PCNX4: variants seen among roughly 807,000 people sequenced by gnomAD.
The protein encoded by PCNX4 is pecanex-like protein 4.
A neutral mutation model predicts 107.2 loss-of-function variants in PCNX4; 103 were observed. The ratio of observed to expected loss-of-function variants is 0.96; its 90% CI spans 0.82 to 1.13. The LOEUF is 1.13. Among genes scored for constraint, PCNX4 ranks in the 50% most tolerant of loss-of-function variants. The probability of loss-of-function intolerance (pLI) is 0.00; values close to 1 mark genes in which losing one functional copy is unlikely to be tolerated. For missense variants in PCNX4, 1,528 were observed against 1,379.4 expected (o/e 1.11, Z -1.71); for synonymous variants, 541 against 481.7 (o/e 1.12, Z -1.61).
chr14:60,130,948 G>A (rs1324278028), intron 10 of PCNX4, among the ~76,000 whole-genome samples: 1 of 152,090 alleles, frequency 6.6e-6, no homozygotes, highest in African/African-American at 2.4e-5. Flanking sequence ...GAGGTAATTA[G>A]GCTTAGATGA....
At chr14:60,129,138 G>A (rs1422111222) in intron 10 of PCNX4, among the ~76,000 whole-genome samples, 1 of 152,016 alleles carries the variant, frequency 6.6e-6, no homozygotes, top group African/African-American at 2.4e-5. Context: ...TACTTGGGAG[G>A]TTGAGGCAGG....
chr14:60,115,363 C>T lies in PCNX4; in HGVS notation c.1259C>T (p.Pro420Leu). ...TATATCATTGGAATTTTCCGAAATC[C>T]CTTTTATCCGAAGGATGTGCAAACT... ...SVYIIGIFRN[P>L]FYPKDVQTVT... The change falls in exon 4 of 11, where the codon CCC becomes CTC. Residue 420 changes from proline (P) to leucine (L), a missense_variant. By Grantham distance (98) the Pro-to-Leu change is moderately conservative. Transcript: ENST00000406854. 6.2e-7 allele frequency: 1 copy of T among 1,603,548 alleles called. No individual in the cohort carries two copies. Among genetic ancestry groups the T allele is most frequent in the African/African-American group, 1.3e-5 (1 of 74,750 alleles).
intron 1 of PCNX4, among the ~76,000 whole-genome samples, chr14:60,093,020 GT>G (rs1223495250): frequency 3.3e-5 from 5 of 152,162 alleles, no homozygotes; most frequent in Non-Finnish European, 2.9e-5. Flanking sequence ...TGCCCTTCAT[GT>G]TATTTGGTAT....
At chr14:60,117,478 G>A (rs907163732) in intron 6 of PCNX4, among the ~76,000 whole-genome samples, 1 of 152,066 alleles carries the variant, frequency 6.6e-6, no homozygotes, top group Non-Finnish European at 1.5e-5. Flanking sequence ...GTGTATGTAC[G>A]CTCTATAATA....
intron 2 of PCNX4, chr14:60,108,967 G>A (rs572450643): frequency 6.0e-6 from 1 of 166,656 alleles, no homozygotes; most frequent in South Asian, 2.1e-4. Context: ...GCATGTTATG[G>A]ACTGAATATT....
At chr14:60,096,766 T>A (rs116148884) in intron 1 of PCNX4, among the ~76,000 whole-genome samples, 18 of 152,352 alleles carry the variant, frequency 1.2e-4, no homozygotes, top group African/African-American at 4.3e-4. Context: ...TTGGTGTGAT[T>A]TCTTTGCTCC....
Position 60,125,733 on chromosome 14 carries a change from G to A in PCNX4, c.3177G>A (p.Trp1059Ter), listed in dbSNP as rs1166585138. 7.4e-6 allele frequency: 12 copies of A among 1,611,096 alleles called. No homozygotes were observed. The highest frequency in any genetic ancestry group is 2.2e-5 in the South Asian group (2 of 90,682). Residue 1059 changes from tryptophan (W) to a stop codon, truncating the protein, a stop_gained, in exon 10 of 11, where the codon TGG becomes TGA. Coordinates refer to ENST00000406854, the MANE Select transcript of PCNX4 (RefSeq NM_001330177.2). LOFTEE classifies it high-confidence loss of function. ...ACCTTGAAGAATATGAACGTGACTG[G>A]TACATTGGTTTGGTATCTGATGAAA... ...IKYLEEYERDWYIGLVSDEKW... is the reference protein window; with the variant it reads ...IKYLEEYERD
intron 1 of PCNX4, among the ~76,000 whole-genome samples, chr14:60,102,403 C>T (rs971367565): frequency 6.6e-5 from 10 of 151,972 alleles, no homozygotes; most frequent in African/African-American, 2.4e-4. Flanking sequence ...AATGTGGCCA[C>T]TTTTTGTTGT....
chr14:60,105,061 G>A (rs899159473), intron 1 of PCNX4, among the ~76,000 whole-genome samples: 3 of 151,950 alleles, frequency 2.0e-5, no homozygotes, highest in Non-Finnish European at 4.4e-5. Context: ...TTATGCATTC[G>A]AAATCCAAAA....
Position 60,115,365 on chromosome 14 carries a change from T to C in PCNX4, c.1261T>C (p.Phe421Leu). ...TATCATTGGAATTTTCCGAAATCCC[T>C]TTTATCCGAAGGATGTGCAAACTGT... ...VYIIGIFRNP[F>L]YPKDVQTVTV... The change falls in exon 4 of 11, where the codon TTT (phenylalanine) becomes CTT (leucine). Residue 421 changes from phenylalanine (F) to leucine (L), a missense_variant. Coordinates refer to ENST00000406854, the MANE Select transcript of PCNX4 (RefSeq NM_001330177.2). 1.2e-6 allele frequency: 2 copies of C among 1,602,820 alleles called. No individual in the cohort carries two copies. The highest frequency in any genetic ancestry group is 1.3e-5 in the African/African-American group (1 of 74,794).
chr14:60,131,799 C>G (rs1005378154), intron 10 of PCNX4, among the ~76,000 whole-genome samples: 3 of 152,084 alleles, frequency 2.0e-5, no homozygotes, highest in African/African-American at 4.8e-5. Context: ...TCAAAACTTA[C>G]GTGAAACAAT....
At chr14:60,094,207 G>A (rs143652486) in intron 1 of PCNX4, among the ~76,000 whole-genome samples, 163 of 152,200 alleles carry the variant, frequency 1.1e-3, no homozygotes, top group African/African-American at 3.6e-3. Context: ...CACTTGTCTT[G>A]TGAAAGGGTA....
chr14:60,130,339 C>A (rs1365050777), intron 10 of PCNX4, among the ~76,000 whole-genome samples: 1 of 145,110 alleles, frequency 6.9e-6, no homozygotes, highest in Admixed American at 6.8e-5. Context: ...ATAAAAGACA[C>A]AAACCACATG....
In PCNX4 at chr14:60,145,017, TAA is replaced by T; in HGVS notation, c.*10799_*10800del. 1 of 1,580,854 alleles carries T rather than the reference TAA, an allele frequency of 6.3e-7. No homozygotes were observed. The highest frequency in any genetic ancestry group is 8.5e-7 in the Non-Finnish European group (1 of 1,169,686). On this transcript the variant is annotated 3_prime_UTR_variant, in exon 11 of 11. Coordinates refer to ENST00000406854, the MANE Select transcript of PCNX4 (RefSeq NM_001330177.2). The surrounding 1 kb of genome is among the most constrained non-coding windows in gnomAD (Gnocchi z 4.0). ...TAAAATAAGAAGAGTCTGCATCCTG[TAA>T]AAGAGGGACAGAAACATGGATCAGT...
chr14:60,145,769 G>A lies in PCNX4; in HGVS notation c.*11548G>A, dbSNP rs1419970486. ...AACCTGATAATCCCCAAGATGTGAT[G>A]TTTCTTTTCAGAAGATATGCATTTA... is the stretch of plus-strand genomic sequence containing the variant. On this transcript the variant is annotated 3_prime_UTR_variant, in exon 11 of 11. Transcript: ENST00000406854. The surrounding 1 kb of genome is among the most constrained non-coding windows in gnomAD (Gnocchi z 4.0). 6.6e-6 allele frequency: 1 copy of A among 152,066 alleles called. No homozygotes were observed. The highest frequency in any genetic ancestry group is 1.5e-5 in the Non-Finnish European group (1 of 68,000). 9.4% of individuals were successfully genotyped at this position (152,066 alleles called of 1,614,324 possible).
chr14:60,111,914 A>G (rs1330442590), intron 2 of PCNX4, among the ~76,000 whole-genome samples: 2 of 152,202 alleles, frequency 1.3e-5, no homozygotes. Context: ...TGATTAAGAA[A>G]ATAATAGAAT....
chr14:60,116,104 A>C (rs546668026), intron 6 of PCNX4, 44 bp downstream of exon 6: 101 of 1,481,366 alleles, frequency 6.8e-5, no homozygotes, highest in Non-Finnish European at 8.9e-5. Context: ...TATTTTACAT[A>C]CTATAATATT....
rs575710876 is a variant in PCNX4 at position 60,131,637 on chromosome 14, A to G, written c.3268-2333A>G. On this transcript the variant is annotated intron_variant, in intron 10 of 10. Coordinates refer to ENST00000406854, the MANE Select transcript of PCNX4 (RefSeq NM_001330177.2). ...ATGGCAATACTCTCCAAATATATCT[A>G]CAGATTCAACACAGTCCTTTTCAGA... Among the ~76,000 whole-genome samples the G allele has an allele frequency of 4.6e-5, 7 of 152,336 alleles. No homozygotes were observed. In the East Asian group the frequency reaches 1.3e-3, roughly 29 times the overall value.
chr14:60,142,904 C>T lies in PCNX4; in HGVS notation c.*8683C>T, dbSNP rs1201622813. On this transcript the variant is annotated 3_prime_UTR_variant, in exon 11 of 11. Transcript: ENST00000406854. This position sits in a 1 kb window ranked among gnomAD's most constrained non-coding sequence, Gnocchi z 4.7. ...GCTTGAACCCAGGAGGCAGAGATTGCGGTGAACTGAGATAGTGCCACTGTA... is the reference window on the plus strand; with the variant it reads ...GCTTGAACCCAGGAGGCAGAGATTGTGGTGAACTGAGATAGTGCCACTGTA... 1.3e-5 allele frequency: 2 copies of T among 152,062 alleles called. No individual in the cohort carries two copies. Among genetic ancestry groups the T allele is most frequent in the East Asian group, 1.9e-4 (1 of 5,194 alleles). 9.4% of individuals were successfully genotyped at this position (152,062 alleles called of 1,614,324 possible). A position where few individuals can be genotyped will look rare whatever the true frequency, so the allele number is the denominator to read the frequency against.
Sources: gnomAD v4.1 joint callset for allele counts (sites outside exome capture counted in the v4.1 genomes callset) on GRCh38, gnomAD v4.1.1 for gene constraint, Gnocchi (gnomAD v3.1) non-coding constraint, MANE v1.5 for transcripts, NCBI Gene and HGNC (gene_info 2026-07-23, HGNC 2026-07-21) for gene names.